ZMYND11: variants seen among roughly 807,000 people sequenced by gnomAD.
ZMYND11 encodes zinc finger MYND domain-containing protein 11.
ZMYND11 carries 9 observed loss-of-function variants against 84.9 expected under a neutral mutation model. The observed-to-expected ratio is 0.11, with a 90% confidence interval of 0.06 to 0.18. ZMYND11 has a LOEUF of 0.18. Among genes scored for constraint, ZMYND11 ranks in the 10% least tolerant of loss-of-function variants. The probability of loss-of-function intolerance (pLI) is 1.00; values close to 1 mark genes in which losing one functional copy is unlikely to be tolerated. For missense variants in ZMYND11, 409 were observed against 761.0 expected (o/e 0.54, Z 5.44); for synonymous variants, 250 against 244.1 (o/e 1.02, Z -0.23).
intron 2 of ZMYND11, among the ~76,000 whole-genome samples, chr10:192,721 G>T (rs923270025): frequency 1.3e-5 from 2 of 152,200 alleles, no homozygotes; most frequent in African/African-American, 4.8e-5. Context: ...ATCTGCATTT[G>T]CTTAGTGCTG....
At chr10:193,086 AATTTT>A (rs774125394) in intron 2 of ZMYND11, among the ~76,000 whole-genome samples, 1 of 152,104 alleles carries the variant, frequency 6.6e-6, no homozygotes, top group Non-Finnish European at 1.5e-5. Context: ...ATGCTTTTGA[AATTTT>A]ATTTTAAGAA....
In ZMYND11 at chr10:239,539, G is replaced by GTGTTTT. The variant is rs1554788985; in HGVS notation, c.697+15_697+16insGTTTTT. 5,976 of 1,471,286 alleles carry GTGTTTT rather than the reference G, an allele frequency of 4.1e-3. 5 individuals are homozygous for GTGTTTT. The highest frequency in any genetic ancestry group is 0.016 in the Middle Eastern group (89 of 5,668). 91.1% of individuals were successfully genotyped at this position (1,471,286 alleles called of 1,614,324 possible). A position where few individuals can be genotyped will look rare whatever the true frequency, so the allele number is the denominator to read the frequency against. On this transcript the variant is annotated intron_variant, in intron 7 of 14. Transcript: ENST00000381604. ...TTTTCTATGGAGGTTGAATATTTTT[G>GTGTTTT]TTTTTTTTGTATGCATTTTTAAACA...
At chr10:154,075 C>T (rs570851961) in intron 1 of ZMYND11, among the ~76,000 whole-genome samples, 8 of 152,302 alleles carry the variant, frequency 5.3e-5, no homozygotes, top group South Asian at 2.1e-4. Flanking sequence ...TTTAATTGAT[C>T]GTCATCCCAT....
At chr10:145,669 G>A (rs557547057) in intron 1 of ZMYND11, among the ~76,000 whole-genome samples, 101 of 152,088 alleles carry the variant, frequency 6.6e-4, no homozygotes, top group African/African-American at 2.3e-3. Flanking sequence ...ATTTTCTTAC[G>A]TGTTTGTTGG....
chr10:195,541 A>C (rs1198585927), intron 2 of ZMYND11, among the ~76,000 whole-genome samples: 1 of 152,236 alleles, frequency 6.6e-6, no homozygotes, highest in Admixed American at 6.5e-5. Flanking sequence ...TTTCAGATAC[A>C]TAATATTAAG....
intron 11 of ZMYND11, 146 bp from the exon 12 acceptor site, chr10:247,252 A>AT (rs1952343413): frequency 6.2e-6 from 6 of 961,498 alleles, no homozygotes; most frequent in Non-Finnish European, 4.7e-6. Flanking sequence ...AGAACAGTAA[A>AT]TTAAGTCAGT....
chr10:205,779 G>A (rs1239833125), intron 2 of ZMYND11, among the ~76,000 whole-genome samples: 1 of 150,784 alleles, frequency 6.6e-6, no homozygotes, highest in Non-Finnish European at 1.5e-5. Context: ...TAGATCTTTT[G>A]TAATTTTTAA....
At chr10:154,062 C>G (rs1410035083) in intron 1 of ZMYND11, among the ~76,000 whole-genome samples, 3 of 152,180 alleles carry the variant, frequency 2.0e-5, no homozygotes, top group African/African-American at 7.2e-5. Flanking sequence ...ACCACACTTA[C>G]TGTTTAATTG....
chr10:215,107 G>C (rs1484762920), intron 3 of ZMYND11, among the ~76,000 whole-genome samples: 3 of 152,164 alleles, frequency 2.0e-5, no homozygotes, highest in African/African-American at 7.2e-5. Flanking sequence ...GACAGCCCTT[G>C]GCACAAAGCT....
At chr10:182,309 C>T (rs1438321487) in intron 2 of ZMYND11, among the ~76,000 whole-genome samples, 1 of 152,206 alleles carries the variant, frequency 6.6e-6, no homozygotes, top group Non-Finnish European at 1.5e-5. Context: ...TGGAGATTAA[C>T]AGGATTGCCT....
At chr10:167,835 A>G (rs1457495267) in intron 1 of ZMYND11, among the ~76,000 whole-genome samples, 3 of 152,142 alleles carry the variant, frequency 2.0e-5, no homozygotes, top group African/African-American at 7.2e-5. Flanking sequence ...TACACATAAC[A>G]TATAATTTAT....
chr10:235,080 C>G (rs889015635), intron 4 of ZMYND11, among the ~76,000 whole-genome samples: 1 of 152,010 alleles, frequency 6.6e-6, no homozygotes, highest in Non-Finnish European at 1.5e-5. Context: ...CCAGTTAGCT[C>G]TATTTCGCCA....
rs1206501768 is a variant in ZMYND11 at position 135,740 on chromosome 10, G to GGGGCGGGCCGGGCCGGCGGGGCCTGCGA, written c.-20+188_-20+215dup. 1.1e-3 allele frequency among the ~76,000 whole-genome samples: 158 copies of GGGGCGGGCCGGGCCGGCGGGGCCTGCGA among 148,178 alleles called. No individual in the cohort carries two copies. The highest frequency in any genetic ancestry group is 3.6e-3 in the African/African-American group (149 of 41,074). On this transcript the variant is annotated intron_variant, in intron 1 of 14. Transcript: ENST00000381604. This position sits in a 1 kb window ranked among gnomAD's most constrained non-coding sequence, Gnocchi z 5.6. ...GCTGCCGGGGAGCTTTGTGGATGGC[G>GGGGCGGGCCGGGCCGGCGGGGCCTGCGA]GGGCGGGCCGGGCCGGCGGGGCCTG...
intron 2 of ZMYND11, among the ~76,000 whole-genome samples, chr10:183,681 G>T (rs1216495614): frequency 6.6e-6 from 1 of 152,070 alleles, no homozygotes; most frequent in East Asian, 1.9e-4. Flanking sequence ...ATCCTTTAAT[G>T]GTAACCAATT....
At chr10:136,527 C>T (rs911126802) in intron 1 of ZMYND11, among the ~76,000 whole-genome samples, 4 of 152,120 alleles carry the variant, frequency 2.6e-5, no homozygotes, top group South Asian at 2.1e-4. Context: ...GTACATGTAT[C>T]TTCCTCGCTT....
chr10:182,149 C>T (rs1848017281), intron 2 of ZMYND11, among the ~76,000 whole-genome samples: 2 of 152,122 alleles, frequency 1.3e-5, no homozygotes, highest in Admixed American at 1.3e-4. Flanking sequence ...ATCAGAATCT[C>T]CCAGTGTGAA....
chr10:150,207 T>C (rs1345088237), intron 1 of ZMYND11, among the ~76,000 whole-genome samples: 1 of 152,180 alleles, frequency 6.6e-6, no homozygotes, highest in Non-Finnish European at 1.5e-5. Context: ...CTCCTTGTAC[T>C]TCTGGTAGAA....
In ZMYND11 at chr10:252,250, G is replaced by T; in HGVS notation, c.1687-98G>T. ...ATTCCACAAAAGGTTGAGCCAGAAA[G>T]ATCTTTTAAAAGCACCACCTCAAGA... On this transcript the variant is annotated intron_variant, in intron 14 of 14. Transcript: ENST00000381604. The surrounding 1 kb of genome is among the most constrained non-coding windows in gnomAD (Gnocchi z 4.6). 1.4e-6 allele frequency: 2 copies of T among 1,414,412 alleles called. No homozygotes were observed. The highest frequency in any genetic ancestry group is 1.9e-6 in the Non-Finnish European group (2 of 1,037,204). The allele number at this position is 1,414,412 out of a possible 1,614,324, so 87.6% of individuals were successfully genotyped here.
chr10:147,664 A>G (rs1457484561), intron 1 of ZMYND11, among the ~76,000 whole-genome samples: 1 of 150,166 alleles, frequency 6.7e-6, no homozygotes, highest in African/African-American at 2.5e-5. Context: ...AAGTAAATGC[A>G]TCCTAGATGA....
Sources: gnomAD v4.1 joint callset for allele counts (sites outside exome capture counted in the v4.1 genomes callset) on GRCh38, gnomAD v4.1.1 for gene constraint, Gnocchi (gnomAD v3.1) non-coding constraint, MANE v1.5 for transcripts, NCBI Gene and HGNC (gene_info 2026-07-23, HGNC 2026-07-21) for gene names.